ARHGAP15: variants seen among roughly 807,000 people sequenced by gnomAD.
ARHGAP15 encodes the protein Rho GTPase activating protein 15, also known as rho GTPase-activating protein 15.
Under a neutral mutation model 63.7 loss-of-function variants are expected in ARHGAP15, and 51 were observed. That is an observed-to-expected ratio of 0.80 (90% CI 0.64 to 1.01). The LOEUF (loss-of-function observed/expected upper bound fraction) is 1.01, where lower values mean the gene tolerates loss of function less well. Among genes scored for constraint, ARHGAP15 ranks in the 50% least tolerant of loss-of-function variants. The pLI, the probability that ARHGAP15 is intolerant of heterozygous loss-of-function variation, is 0.00. For synonymous variants in ARHGAP15, 191 were observed against 193.8 expected (o/e 0.99, Z 0.12); for missense variants, 560 against 564.6 (o/e 0.99, Z 0.08).
intron 8 of ARHGAP15, among the ~76,000 whole-genome samples, chr2:143,450,843 T>C (rs1690373193): frequency 1.3e-5 from 2 of 152,000 alleles, no homozygotes; most frequent in Non-Finnish European, 2.9e-5. Flanking sequence ...TCTAAATTAT[T>C]GTTGCCTGTC....
At chr2:143,609,136 C>T (rs1364443379) in intron 11 of ARHGAP15, among the ~76,000 whole-genome samples, 1 of 152,180 alleles carries the variant, frequency 6.6e-6, no homozygotes, top group East Asian at 1.9e-4. Context: ...TTCCTGCCCC[C>T]AAATTCAGAA....
At chr2:143,702,781 T>C (rs1684148874) in intron 12 of ARHGAP15, among the ~76,000 whole-genome samples, 1 of 152,110 alleles carries the variant, frequency 6.6e-6, no homozygotes, top group African/African-American at 2.4e-5. Flanking sequence ...ATACCCTCTC[T>C]TTTCTGCTCC....
At chr2:143,719,589 C>A (rs928272675) in intron 13 of ARHGAP15, among the ~76,000 whole-genome samples, 2 of 152,172 alleles carry the variant, frequency 1.3e-5, no homozygotes, top group South Asian at 4.1e-4. Flanking sequence ...TCCAGAGCCA[C>A]GTACTTCCCC....
chr2:143,341,166 A>G (rs1285532028), intron 6 of ARHGAP15, among the ~76,000 whole-genome samples: 1 of 152,058 alleles, frequency 6.6e-6, no homozygotes, highest in Non-Finnish European at 1.5e-5. Context: ...TATGGCATTT[A>G]TCTACCTCTC....
In ARHGAP15 at chr2:143,158,771, C is replaced by G. The variant is rs564751733; in HGVS notation, c.165+3116C>G. ...TCTTAAAGGTAGACAGCTTATTTAC[C>G]AGAATGTGCTAAACAGAAAATCAGA... is the stretch of plus-strand genomic sequence containing the variant. On this transcript the variant is annotated intron_variant, in intron 2 of 13. Transcript: ENST00000295095. Among the ~76,000 whole-genome samples the G allele has an allele frequency of 2.6e-5, 4 of 151,978 alleles. No homozygotes were observed. In the South Asian group the frequency reaches 8.3e-4, roughly 32 times the overall value.
chr2:143,614,291 T>G (rs1272108141), intron 11 of ARHGAP15, among the ~76,000 whole-genome samples: 1 of 152,216 alleles, frequency 6.6e-6, no homozygotes, highest in Non-Finnish European at 1.5e-5. Flanking sequence ...CGTACTTGAT[T>G]ACATTTTTTT....
chr2:143,628,191 G>A (rs1698912171), intron 12 of ARHGAP15, among the ~76,000 whole-genome samples: 1 of 152,094 alleles, frequency 6.6e-6, no homozygotes, highest in African/African-American at 2.4e-5. Context: ...AGTATTCTGT[G>A]TGTATGTACC....
intron 13 of ARHGAP15, among the ~76,000 whole-genome samples, chr2:143,754,289 A>G (rs1686491962): frequency 6.6e-6 from 1 of 152,208 alleles, no homozygotes; most frequent in Non-Finnish European, 1.5e-5. Flanking sequence ...CTAAGCAAAA[A>G]CAGATAAAGT....
chr2:143,144,412 G>T (rs940032576), intron 1 of ARHGAP15, among the ~76,000 whole-genome samples: 3 of 151,918 alleles, frequency 2.0e-5, no homozygotes, highest in Admixed American at 6.6e-5. Context: ...TTTTTTAAGT[G>T]TTGAAATTGA....
At chr2:143,198,512 A>G (rs1179569886) in intron 2 of ARHGAP15, among the ~76,000 whole-genome samples, 2 of 152,086 alleles carry the variant, frequency 1.3e-5, no homozygotes, top group East Asian at 3.8e-4. Context: ...ACCACTAGTA[A>G]ATGGTTTTGG....
chr2:143,748,743 T>C (rs1427831044), intron 13 of ARHGAP15, among the ~76,000 whole-genome samples: 2 of 152,202 alleles, frequency 1.3e-5, no homozygotes, highest in Non-Finnish European at 2.9e-5. Flanking sequence ...CGGCCGTGAA[T>C]GCTTCAGCCA....
intron 5 of ARHGAP15, chr2:143,236,435 A>G (rs1693649376): frequency 6.6e-6 from 1 of 152,512 alleles, no homozygotes; most frequent in South Asian, 2.1e-4. Context: ...ATTATTGAGC[A>G]TCTCTTATGT....
chr2:143,719,118 C>T (rs540606179), intron 13 of ARHGAP15, among the ~76,000 whole-genome samples: 2 of 152,346 alleles, frequency 1.3e-5, no homozygotes, highest in East Asian at 3.9e-4. Flanking sequence ...GTGGGCAAGA[C>T]ATAGGTTGGT....
chr2:143,741,440 C>T (rs1485924479), intron 13 of ARHGAP15: 2 of 152,102 alleles, frequency 1.3e-5, no homozygotes, highest in Non-Finnish European at 2.9e-5. Context: ...TATATGTGAT[C>T]CCCCCAAAAA....
At chr2:143,584,062 T>C (rs1697011195) in intron 11 of ARHGAP15, among the ~76,000 whole-genome samples, 1 of 152,140 alleles carries the variant, frequency 6.6e-6, no homozygotes, top group East Asian at 1.9e-4. Context: ...CACCCAAGAG[T>C]AACCATTCAT....
intron 5 of ARHGAP15, among the ~76,000 whole-genome samples, chr2:143,234,475 T>C (rs1463168398): frequency 4.6e-5 from 7 of 152,178 alleles, no homozygotes; most frequent in Non-Finnish European, 7.4e-5. Context: ...TTTTAGATTT[T>C]TCTCAGGAGG....
chr2:143,312,410 C>T (rs1029375058), intron 6 of ARHGAP15, among the ~76,000 whole-genome samples: 2 of 151,628 alleles, frequency 1.3e-5, no homozygotes, highest in Non-Finnish European at 2.9e-5. Flanking sequence ...AACATTTGAT[C>T]GTATGTTTTC....
At chr2:143,306,101 G>C (rs1157601492) in intron 6 of ARHGAP15, among the ~76,000 whole-genome samples, 1 of 152,006 alleles carries the variant, frequency 6.6e-6, no homozygotes, top group Non-Finnish European at 1.5e-5. Context: ...AAAATCTTTT[G>C]GAACAATCTC....
At chr2:143,451,991 T>G (rs1042809894) in intron 8 of ARHGAP15, among the ~76,000 whole-genome samples, 2 of 152,008 alleles carry the variant, frequency 1.3e-5, no homozygotes, top group African/African-American at 4.8e-5. Flanking sequence ...GGAATGAACT[T>G]GACTTGTTAA....
Sources: gnomAD v4.1 joint callset for allele counts (sites outside exome capture counted in the v4.1 genomes callset) on GRCh38, gnomAD v4.1.1 for gene constraint, MANE v1.5 for transcripts, NCBI Gene and HGNC (gene_info 2026-07-23, HGNC 2026-07-21) for gene names.